MACROD2: variants seen among roughly 807,000 people sequenced by gnomAD.
The protein encoded by MACROD2 is ADP-ribose glycohydrolase MACROD2.
In MACROD2, 36 loss-of-function variants were observed where a neutral mutation model predicts 70.4. The observed-to-expected ratio is 0.51, with a 90% CI of 0.39 to 0.68. The LOEUF is 0.68. Ranked by LOEUF, MACROD2 falls within the 30% of genes least tolerant of loss-of-function variation. The pLI is 0.00. For missense variants in MACROD2, 496 were observed against 538.4 expected (o/e 0.92, Z 0.78); for synonymous variants, 172 against 178.8 (o/e 0.96, Z 0.30).
intron 3 of MACROD2, among the ~76,000 whole-genome samples, chr20:14,407,443 C>T (rs993674750): frequency 2.6e-5 from 4 of 151,962 alleles, no homozygotes; most frequent in Admixed American, 6.6e-5. Context: ...TTGAAATGAG[C>T]TGTCTTTGAT....
chr20:15,734,189 C>T (rs751807059), intron 8 of MACROD2, among the ~76,000 whole-genome samples: 20 of 152,076 alleles, frequency 1.3e-4, no homozygotes, highest in Admixed American at 2.6e-4. Context: ...GGCACTAAGA[C>T]CTGGGCGAGG....
intron 5 of MACROD2, among the ~76,000 whole-genome samples, chr20:14,902,941 A>G (rs1330829351): frequency 6.6e-6 from 1 of 151,968 alleles, no homozygotes; most frequent in African/African-American, 2.4e-5. Flanking sequence ...ACAAGGAAAG[A>G]TTATAGGTCA....
intron 6 of MACROD2, among the ~76,000 whole-genome samples, chr20:15,284,234 G>A (rs962344334): frequency 8.5e-5 from 13 of 152,160 alleles, no homozygotes; most frequent in African/African-American, 3.1e-4. Context: ...TCATCGCTAT[G>A]ATTGCTGTTT....
At chr20:15,623,476 G>A (rs2049156236) in intron 8 of MACROD2, among the ~76,000 whole-genome samples, 3 of 152,144 alleles carry the variant, frequency 2.0e-5, no homozygotes, top group Admixed American at 6.5e-5. Context: ...GAGGAGGTTT[G>A]TAAAGTGGGG....
chr20:14,310,939 G>A (rs1017915484), intron 3 of MACROD2, among the ~76,000 whole-genome samples: 1 of 152,106 alleles, frequency 6.6e-6, no homozygotes, highest in Non-Finnish European at 1.5e-5. Flanking sequence ...GCTGTACAAC[G>A]CGTTTGTGTT....
At chr20:14,744,302 A>G (rs2071771491) in intron 5 of MACROD2, among the ~76,000 whole-genome samples, 1 of 152,316 alleles carries the variant, frequency 6.6e-6, no homozygotes, top group Non-Finnish European at 1.5e-5. Context: ...GTTTTCAGGT[A>G]AAACCCAGTT....
At chr20:14,515,479 A>G (rs1362158244) in intron 4 of MACROD2, among the ~76,000 whole-genome samples, 1 of 143,600 alleles carries the variant, frequency 7.0e-6, no homozygotes, top group African/African-American at 3.0e-5. Flanking sequence ...ACACACACAC[A>G]CACACACACA....
At chr20:15,529,768 C>G (rs573368223) in intron 8 of MACROD2, among the ~76,000 whole-genome samples, 1 of 152,170 alleles carries the variant, frequency 6.6e-6, no homozygotes, top group Non-Finnish European at 1.5e-5. Context: ...CCGCCCCCCC[C>G]ACCTTTGACC....
intron 3 of MACROD2, among the ~76,000 whole-genome samples, chr20:14,439,157 C>G (rs973963963): frequency 1.3e-5 from 2 of 152,102 alleles, no homozygotes; most frequent in Non-Finnish European, 2.9e-5. Context: ...GTTGAGGAGA[C>G]TATTTTTTCC....
At chr20:14,832,479 C>G (rs764339852) in intron 5 of MACROD2, among the ~76,000 whole-genome samples, 1 of 151,882 alleles carries the variant, frequency 6.6e-6, no homozygotes, top group Non-Finnish European at 1.5e-5. Flanking sequence ...ATCTTCTGTT[C>G]TGATGCAACC....
intron 8 of MACROD2, among the ~76,000 whole-genome samples, chr20:15,744,762 C>T (rs2051157225): frequency 6.6e-6 from 1 of 151,370 alleles, no homozygotes; most frequent in African/African-American, 2.4e-5. Context: ...TTTTAGGTGC[C>T]GTTTCAGAAG....
intron 6 of MACROD2, among the ~76,000 whole-genome samples, chr20:15,276,640 C>G (rs2077396016): frequency 6.6e-6 from 1 of 152,114 alleles, no homozygotes; most frequent in Non-Finnish European, 1.5e-5. Flanking sequence ...TCTTCCTGGT[C>G]TCTCACCTAC....
At chr20:15,028,171 C>T (rs539840443) in intron 5 of MACROD2, among the ~76,000 whole-genome samples, 56 of 152,306 alleles carry the variant, frequency 3.7e-4, no homozygotes, top group Admixed American at 7.8e-4. Context: ...TGGAAGATGC[C>T]TGGAAAGGCC....
Position 15,727,808 on chromosome 20 carries a change from G to A in MACROD2, c.646-134937G>A, listed in dbSNP as rs149416598. On this transcript the variant is annotated intron_variant, in intron 8 of 17. Transcript: ENST00000684519. ...AAAACTTTGCTGAAGTTGATTATCA[G>A]ATCTAGGAGGTTTTGGGCAGAGACT... is the stretch of plus-strand genomic sequence containing the variant. 4.4e-3 allele frequency among the ~76,000 whole-genome samples: 670 copies of A among 152,198 alleles called. 4 individuals are homozygous for A. Among genetic ancestry groups the A allele is most frequent in the African/African-American group, 0.014 (563 of 41,536 alleles).
At chr20:15,981,034 T>C (rs2066390232) in intron 13 of MACROD2, among the ~76,000 whole-genome samples, 2 of 152,244 alleles carry the variant, frequency 1.3e-5, no homozygotes, top group Non-Finnish European at 2.9e-5. Flanking sequence ...CTTATGGCTA[T>C]GCTTCGTTTT....
intron 3 of MACROD2, among the ~76,000 whole-genome samples, chr20:14,135,319 G>T (rs554677306): frequency 6.6e-6 from 1 of 151,944 alleles, no homozygotes. Context: ...ATCTAGTAGA[G>T]AATATCCCAA....
At chr20:15,188,493 C>A (rs1419580466) in intron 5 of MACROD2, among the ~76,000 whole-genome samples, 1 of 152,164 alleles carries the variant, frequency 6.6e-6, no homozygotes, top group Non-Finnish European at 1.5e-5. Context: ...CTAGCAGTTT[C>A]CCTTGAAGCC....
chr20:14,403,468 T>G (rs2083660135), intron 3 of MACROD2, among the ~76,000 whole-genome samples: 1 of 152,316 alleles, frequency 6.6e-6, no homozygotes, highest in South Asian at 2.1e-4. Context: ...TGTGAAACTC[T>G]TCAGTAAATG....
At chr20:15,391,729 A>G (rs1162362360) in intron 6 of MACROD2, among the ~76,000 whole-genome samples, 1 of 152,148 alleles carries the variant, frequency 6.6e-6, no homozygotes, top group Non-Finnish European at 1.5e-5. Flanking sequence ...CTTGGAAACT[A>G]TGTAGAATTG....
Sources: gnomAD v4.1 joint callset for allele counts (sites outside exome capture counted in the v4.1 genomes callset) on GRCh38, gnomAD v4.1.1 for gene constraint, MANE v1.5 for transcripts, NCBI Gene and HGNC (gene_info 2026-07-23, HGNC 2026-07-21) for gene names.